The following TEX2 variants were observed in gnomAD, a reference collection of about 807,000 sequenced individuals.
TEX2 encodes the protein testis expressed 2.
In TEX2, 53 loss-of-function variants were observed where a neutral mutation model predicts 106.9. That is an observed-to-expected ratio of 0.50 (90% CI 0.40 to 0.62). The LOEUF (loss-of-function observed/expected upper bound fraction) is 0.62, where lower values mean the gene tolerates loss of function less well. Among genes scored for constraint, TEX2 ranks in the 20% least tolerant of loss-of-function variants. The probability of loss-of-function intolerance (pLI) is 0.00; values close to 1 mark genes in which losing one functional copy is unlikely to be tolerated. For missense variants in TEX2, 1,207 were observed against 1,379.0 expected (o/e 0.88, Z 1.98); for synonymous variants, 523 against 534.8 (o/e 0.98, Z 0.30).
At chr17:64,180,343 C>A (rs901814034) in intron 5 of TEX2, among the ~76,000 whole-genome samples, 12 of 152,290 alleles carry the variant, frequency 7.9e-5, no homozygotes, top group Admixed American at 3.3e-4. Flanking sequence ...GGCTATTTCA[C>A]AATGTATGTC....
intron 4 of TEX2, among the ~76,000 whole-genome samples, chr17:64,189,710 G>A (rs749194552): frequency 3.3e-5 from 5 of 152,096 alleles, no homozygotes; most frequent in Non-Finnish European, 7.4e-5. Flanking sequence ...GGCTGGGCGC[G>A]GTGGCTCACG....
chr17:64,262,035 C>T lies in TEX2; in HGVS notation c.-26+1133G>A, dbSNP rs551218436. On this transcript the variant is annotated intron_variant, in intron 1 of 11. Coordinates refer to ENST00000584379, the MANE Select transcript of TEX2 (RefSeq NM_001288732.2). ...CATATAAAAGTCACTCGTTGTTTCC[C>T]CTCCAGCTTACACCTGGCTCCTGAA... Among the ~76,000 whole-genome samples the T allele has an allele frequency of 6.6e-5, 10 of 152,320 alleles. 1 individual carries two copies. The highest frequency in any genetic ancestry group is 2.2e-4 in the African/African-American group (9 of 41,564).
intron 7 of TEX2, among the ~76,000 whole-genome samples, chr17:64,163,514 G>A (rs1167604843): frequency 6.6e-6 from 1 of 152,158 alleles, no homozygotes; most frequent in Non-Finnish European, 1.5e-5. Context: ...CTAATATGAT[G>A]TGCTTGCATT....
At chr17:64,252,895 G>T (rs2034117619) in intron 1 of TEX2, among the ~76,000 whole-genome samples, 1 of 152,142 alleles carries the variant, frequency 6.6e-6, no homozygotes, top group African/African-American at 2.4e-5. Flanking sequence ...GGTGAGGTAG[G>T]GAGTACAGCT....
intron 1 of TEX2, among the ~76,000 whole-genome samples, chr17:64,248,956 AC>A (rs1274953573): frequency 6.6e-5 from 10 of 151,948 alleles, no homozygotes; most frequent in African/African-American, 2.4e-4. Flanking sequence ...GATCACTTGA[AC>A]CCAGGAGGCG....
intron 7 of TEX2, among the ~76,000 whole-genome samples, chr17:64,167,441 C>G (rs953065627): frequency 5.3e-5 from 8 of 152,136 alleles, no homozygotes; most frequent in Non-Finnish European, 1.2e-4. Flanking sequence ...TAGAGCTCCT[C>G]CTTGCTCCAG....
rs2031378277 is a variant in TEX2 at position 64,171,166 on chromosome 17, C to T, written c.2605G>A (p.Glu869Lys). ...GGCACAGCCACGCCCATGTCAAGTT[C>T]CGTCAGAGTGAGCTCATTCATAAAG... ...PYFMNELTLTELDMGVAVPKI... is the reference protein window; with the variant it reads ...PYFMNELTLTKLDMGVAVPKI... Residue 869 changes from glutamate to lysine, a missense_variant, in exon 7 of 12, where the codon GAA becomes AAA. Coordinates refer to ENST00000584379, the MANE Select transcript of TEX2 (RefSeq NM_001288732.2). 4 of 1,614,032 alleles carry T rather than the reference C, an allele frequency of 2.5e-6. No individual in the cohort carries two copies. The highest frequency in any genetic ancestry group is 2.2e-5 in the East Asian group (1 of 44,846).
chr17:64,192,497 A>G (rs1475412313), intron 4 of TEX2, among the ~76,000 whole-genome samples: 1 of 152,218 alleles, frequency 6.6e-6, no homozygotes, highest in African/African-American at 2.4e-5. Context: ...TGGCCCTGCT[A>G]ACACCTTGAT....
intron 7 of TEX2, among the ~76,000 whole-genome samples, chr17:64,169,609 C>A (rs185971470): frequency 1.3e-5 from 2 of 152,304 alleles, no homozygotes; most frequent in Admixed American, 1.3e-4. Flanking sequence ...GGGTTGTCCA[C>A]TGAAATATTG....
intron 1 of TEX2, among the ~76,000 whole-genome samples, chr17:64,237,730 G>T (rs908585435): frequency 1.3e-5 from 2 of 152,144 alleles, no homozygotes; most frequent in Admixed American, 1.3e-4. Context: ...CCAAGTCTGG[G>T]AATTTGAGAA....
At chr17:64,245,402 A>C (rs1314613456) in intron 1 of TEX2, among the ~76,000 whole-genome samples, 1 of 152,198 alleles carries the variant, frequency 6.6e-6, no homozygotes, top group African/African-American at 2.4e-5. Flanking sequence ...CTTCCTATTA[A>C]ATCTAGAAAT....
At chr17:64,156,844 C>T (rs1399840490) in intron 8 of TEX2, among the ~76,000 whole-genome samples, 1 of 152,228 alleles carries the variant, frequency 6.6e-6, no homozygotes, top group African/African-American at 2.4e-5. Flanking sequence ...GCCACTGCTC[C>T]TTGTGTCCCC....
At chr17:64,239,606 C>T (rs1413830621) in intron 1 of TEX2, among the ~76,000 whole-genome samples, 2 of 151,898 alleles carry the variant, frequency 1.3e-5, no homozygotes, top group African/African-American at 2.4e-5. Flanking sequence ...CCAGGCATGG[C>T]GGCTCACACC....
chr17:64,225,638 G>A (rs953706033), intron 1 of TEX2, among the ~76,000 whole-genome samples: 27 of 152,152 alleles, frequency 1.8e-4, no homozygotes, highest in African/African-American at 6.0e-4. Flanking sequence ...GTATGGTGCC[G>A]AAAGCCCAAG....
At chr17:64,259,606 A>T (rs1240259664) in intron 1 of TEX2, among the ~76,000 whole-genome samples, 4 of 152,172 alleles carry the variant, frequency 2.6e-5, no homozygotes, top group African/African-American at 7.2e-5. Flanking sequence ...AAATTGGAAA[A>T]TGTTCCTCCA....
chr17:64,188,865 C>A (rs770714311), intron 4 of TEX2, among the ~76,000 whole-genome samples: 2 of 151,532 alleles, frequency 1.3e-5, no homozygotes, highest in Non-Finnish European at 2.9e-5. Flanking sequence ...CTGAAAAGTA[C>A]CTTTTTCTCT....
rs548858724 is a variant in TEX2 at position 64,170,437 on chromosome 17, G to A, written c.2671+663C>T. On this transcript the variant is annotated intron_variant, in intron 7 of 11. Transcript: ENST00000584379. ...GGCTAGGGCTGGGGCAGCTGCACCCGTGAGGGCCATGAGAGGTGAGCGGAA... is the reference window on the plus strand; with the variant it reads ...GGCTAGGGCTGGGGCAGCTGCACCCATGAGGGCCATGAGAGGTGAGCGGAA... Among the ~76,000 whole-genome samples, 8 of 152,246 alleles carry A rather than the reference G, an allele frequency of 5.3e-5. No homozygotes were observed. The South Asian group carries it at 6.2e-4, about 12-fold the overall frequency.
At chr17:64,152,058 T>A (rs925922023) in intron 10 of TEX2, among the ~76,000 whole-genome samples, 1 of 152,220 alleles carries the variant, frequency 6.6e-6, no homozygotes, top group East Asian at 1.9e-4. Flanking sequence ...AAACCCCTCT[T>A]CTGATCATTC....
At chr17:64,194,727 G>A (rs1364998537) in intron 3 of TEX2, among the ~76,000 whole-genome samples, 168 bp downstream of exon 3, 5 of 152,164 alleles carry the variant, frequency 3.3e-5, no homozygotes, top group Non-Finnish European at 7.4e-5. Context: ...TTAACAAGAT[G>A]CCCAGGTGAT....
Sources: gnomAD v4.1 joint callset for allele counts (sites outside exome capture counted in the v4.1 genomes callset) on GRCh38, gnomAD v4.1.1 for gene constraint, MANE v1.5 for transcripts, NCBI Gene and HGNC (gene_info 2026-07-23, HGNC 2026-07-21) for gene names.